The following FTH1 variants were observed in gnomAD, a reference collection of about 807,000 sequenced individuals.
FTH1 encodes the protein ferritin heavy chain.
A neutral mutation model predicts 21.8 loss-of-function variants in FTH1; 3 were observed. The ratio of observed to expected loss-of-function variants is 0.14; its 90% CI spans 0.06 to 0.36. The LOEUF (loss-of-function observed/expected upper bound fraction) is 0.36, where lower values mean the gene tolerates loss of function less well. FTH1 is among the 10% of genes least tolerant of loss of function. FTH1 has a pLI of 1.00. For synonymous variants in FTH1, 83 were observed against 90.1 expected (o/e 0.92, Z 0.45); for missense variants, 147 against 225.8 (o/e 0.65, Z 2.24).
Position 61,964,522 on chromosome 11 carries a change from T to C in FTH1, c.*205A>G. The C allele has an allele frequency of 1.5e-6, 1 of 658,176 alleles. No individual in the cohort carries two copies. The highest frequency in any genetic ancestry group is 1.8e-5 in the African/African-American group (1 of 55,140). The allele number at this position is 658,176 out of a possible 1,614,324, so 40.8% of individuals were successfully genotyped here. On this transcript the variant is annotated 3_prime_UTR_variant, in exon 4 of 4. Transcript: ENST00000273550. ...CACTTAAGGAATCTGGAAGATAGCC[T>C]GGATAGATTTCTGATTCATCCCAAG...
At chr11:61,966,986 C>A (rs1191194759) in intron 1 of FTH1, 1 of 184,234 alleles carries the variant, frequency 5.4e-6, no homozygotes, top group East Asian at 1.4e-4. Flanking sequence ...AGCAAAACTC[C>A]ACCTTCCTAA....
chr11:61,965,353 A>C lies in FTH1; in HGVS notation c.261+16T>G. The C allele has an allele frequency of 6.2e-7, 1 of 1,605,234 alleles. No individual in the cohort carries two copies. Among genetic ancestry groups the C allele is most frequent in the Non-Finnish European group, 8.5e-7 (1 of 1,177,142 alleles). On this transcript the variant is annotated intron_variant, in intron 2 of 3. Coordinates refer to ENST00000273550, the MANE Select transcript of FTH1 (RefSeq NM_002032.3). ...CCAGATGATGAAGTATGACACCCCT[A>C]GGATCTTTTGTTCACCTTGATATCC...
chr11:61,967,354 C>A lies in FTH1; in HGVS notation c.72G>T (p.Gln24His), dbSNP rs1277384497. The A allele has an allele frequency of 1.2e-6, 2 of 1,606,824 alleles. No individual in the cohort carries two copies. The highest frequency in any genetic ancestry group is 2.7e-5 in the African/African-American group (2 of 74,702). The part of the protein sequence containing the change: ...HQDSEAAINR[Q>H]INLELYASYV... ...AGGAGGCGTAGAGCTCCAGGTTGAT[C>A]TGGCGGTTGATGGCGGCCTCTGAGT... Residue 24 changes from glutamine to histidine, a missense_variant, in exon 1 of 4, where the codon CAG (glutamine) becomes CAT (histidine). By Grantham distance (24) the Gln-to-His change is conservative. Coordinates refer to ENST00000273550, the MANE Select transcript of FTH1 (RefSeq NM_002032.3).
chr11:61,967,119 A>G, intron 1 of FTH1, 193 bp downstream of exon 1: 1 of 415,966 alleles, frequency 2.4e-6, no homozygotes, highest in South Asian at 4.2e-5. Flanking sequence ...TTCTCAGGGT[A>G]CAGCCGAGAA....
In FTH1 at chr11:61,965,498, G is replaced by A. The variant is rs780322158; in HGVS notation, c.132C>T (p.Arg44=). ...VYLSMSYYFD[R]DDVALKNFAK... is the part of the protein sequence containing the mutation. Reference sequence around the variant, plus strand: ...CAAAGTTCTTCAAAGCCACATCATCGCGGTCAAAGTAGTAAGACTGAAAGG... The same window carrying A: ...CAAAGTTCTTCAAAGCCACATCATCACGGTCAAAGTAGTAAGACTGAAAGG... The change falls in exon 2 of 4, where the codon CGC becomes CGT. Residue 44 remains arginine (R), a synonymous_variant. Transcript: ENST00000273550. The A allele has an allele frequency of 4.4e-6, 7 of 1,602,378 alleles. No individual in the cohort carries two copies. The South Asian group carries it at 5.5e-5, about 13-fold the overall frequency.
intron 1 of FTH1, among the ~76,000 whole-genome samples, chr11:61,966,141 G>C (rs534286631): frequency 2.0e-5 from 3 of 152,276 alleles, no homozygotes; most frequent in East Asian, 1.9e-4. Context: ...GGGCGTGGTG[G>C]CGTGCGCCTG....
Position 61,967,317 on chromosome 11 carries a change from A to C in FTH1, c.109T>G (p.Ser37Ala). ...TTAGGCCCGCCCGCGCTCACCATGG[A>C]CAGGTAAACGTAGGAGGCGTAGAGC... ...LELYASYVYL[S>A]MSYYFDRDDV... The change falls in exon 1 of 4, where the codon TCC becomes GCC. Residue 37 changes from serine to alanine, a missense_variant. Coordinates refer to ENST00000273550, the MANE Select transcript of FTH1 (RefSeq NM_002032.3). 1 of 1,595,784 alleles carries C rather than the reference A, an allele frequency of 6.3e-7. No homozygotes were observed. Among genetic ancestry groups the C allele is most frequent in the Non-Finnish European group, 8.5e-7 (1 of 1,169,988 alleles).
At chr11:61,966,257 G>A (rs1191114134) in intron 1 of FTH1, among the ~76,000 whole-genome samples, 1 of 152,132 alleles carries the variant, frequency 6.6e-6, no homozygotes, top group Admixed American at 6.5e-5. Context: ...CTGGGCGACA[G>A]AGCGAGACTC....
chr11:61,966,937 T>G, intron 1 of FTH1: 1 of 161,818 alleles, frequency 6.2e-6, no homozygotes, highest in Non-Finnish European at 1.3e-5. Context: ...AACGCTGGCA[T>G]TTAGGGCCAA....
intron 1 of FTH1, 48 bp from the exon 2 acceptor site, chr11:61,965,563 G>A (rs377435984): frequency 1.6e-5 from 25 of 1,595,162 alleles, no homozygotes; most frequent in Non-Finnish European, 1.8e-5. Context: ...CCCAGAGACA[G>A]GTAGCTGTGA....
rs1043971309 is a variant in FTH1, at chr11:61,967,429, G to T, written c.-4C>A. ...GCGAGGTGGACGCGGTCGTCATGGC[G>T]GCGACTAAGGAGAGGCGGCGGCGGC... is the stretch of plus-strand genomic sequence containing the variant. On this transcript the variant is annotated 5_prime_UTR_variant, in exon 1 of 4. Coordinates refer to ENST00000273550, the MANE Select transcript of FTH1 (RefSeq NM_002032.3). The T allele has an allele frequency of 1.3e-6, 2 of 1,591,898 alleles. No individual in the cohort carries two copies. The highest frequency in any genetic ancestry group is 3.4e-5 in the Admixed American group (2 of 59,586).
At chr11:61,965,225 T>C (rs1942424551) in intron 2 of FTH1, 113 bp from the exon 3 acceptor site, 1 of 1,591,762 alleles carries the variant, frequency 6.3e-7, no homozygotes, top group Non-Finnish European at 8.6e-7. Flanking sequence ...CCTAATTTAG[T>C]TTAGATGGTA....
At chr11:61,964,949 G>T (rs759902073) in intron 3 of FTH1, 38 bp downstream of exon 3, 41 of 1,613,916 alleles carry the variant, frequency 2.5e-5, no homozygotes, top group Middle Eastern at 1.6e-4. Flanking sequence ...TAAGGCAAAT[G>T]ATTTCCTCCA....
At position 61,965,563 on chromosome 11, in the gene FTH1, G is replaced by T. The variant is rs377435984; in HGVS notation, c.115-48C>A. On this transcript the variant is annotated intron_variant, in intron 1 of 3. Transcript: ENST00000273550. Reference sequence around the variant, plus strand: ...GTTATACTAGGGATCCCCAGAGACAGGTAGCTGTGACGATCTACAGGGAGG... The same window carrying T: ...GTTATACTAGGGATCCCCAGAGACATGTAGCTGTGACGATCTACAGGGAGG... 6.3e-6 allele frequency: 10 copies of T among 1,595,280 alleles called. No individual in the cohort carries two copies. The East Asian group carries it at 2.2e-4, about 36-fold the overall frequency.
intron 2 of FTH1, 40 bp from the exon 3 acceptor site, chr11:61,965,152 T>C (rs758213920): frequency 1.9e-6 from 3 of 1,602,236 alleles, no homozygotes; most frequent in African/African-American, 1.3e-5. Flanking sequence ...CCAACTAACC[T>C]AGAAGTCAGC....
chr11:61,967,154 G>A (rs908054160), intron 1 of FTH1, 158 bp downstream of exon 1: 1 of 446,940 alleles, frequency 2.2e-6, no homozygotes, highest in East Asian at 4.2e-5. Flanking sequence ...GACTTTCTGC[G>A]CCAGAGAAGT....
chr11:61,966,983 C>T (rs1311743594), intron 1 of FTH1: 1 of 181,384 alleles, frequency 5.5e-6, no homozygotes, highest in South Asian at 1.7e-4. Flanking sequence ...GAAAGCAAAA[C>T]TCCACCTTCC....
Position 61,964,563 on chromosome 11 carries a change from C to T in FTH1, c.*164G>A, listed in dbSNP as rs3180123. ...TCATCCCAAGACCTCAAAGACAACA[C>T]CTGGGTACCAAATTTCTTTATTTGA... is the stretch of plus-strand genomic sequence containing the variant. On this transcript the variant is annotated 3_prime_UTR_variant, in exon 4 of 4. Transcript: ENST00000273550. 6 of 822,992 alleles carry T rather than the reference C, an allele frequency of 7.3e-6. No homozygotes were observed. The highest frequency in any genetic ancestry group is 3.1e-5 in the South Asian group (2 of 63,874). 51.0% of individuals were successfully genotyped at this position (822,992 alleles called of 1,614,324 possible).
rs1942380164 is a variant in FTH1 at position 61,964,368 on chromosome 11, A to G, written c.*359T>C. The stretch of plus-strand genomic sequence containing the variant: ...AACATTTAACTCAGACTCTGGATTC[A>G]GAGTCGGGAACCCTTAGTTCTATCT... On this transcript the variant is annotated 3_prime_UTR_variant, in exon 4 of 4. Coordinates refer to ENST00000273550, the MANE Select transcript of FTH1 (RefSeq NM_002032.3). 3 of 765,746 alleles carry G rather than the reference A, an allele frequency of 3.9e-6. No individual in the cohort carries two copies. The highest frequency in any genetic ancestry group is 6.1e-6 in the Non-Finnish European group (3 of 489,004). The allele number at this position is 765,746 out of a possible 1,614,324, so 47.4% of individuals were successfully genotyped here. A position where few individuals can be genotyped will look rare whatever the true frequency, so the allele number is the denominator to read the frequency against.
Sources: gnomAD v4.1 joint callset for allele counts (sites outside exome capture counted in the v4.1 genomes callset) on GRCh38, gnomAD v4.1.1 for gene constraint, MANE v1.5 for transcripts, NCBI Gene and HGNC (gene_info 2026-07-23, HGNC 2026-07-21) for gene names.